Variants in UBR1 observed in about 807,000 individuals in gnomAD.
The protein encoded by UBR1 is ubiquitin protein ligase E3 component n-recognin 1.
Under a neutral mutation model 242.1 loss-of-function variants are expected in UBR1, and 102 were observed. The observed-to-expected ratio is 0.42, with a 90% CI of 0.36 to 0.50. The LOEUF is 0.50. Among genes scored for constraint, UBR1 ranks in the 20% least tolerant of loss-of-function variants. UBR1 has a pLI of 0.01. For missense variants in UBR1, 1,772 were observed against 2,101.8 expected (o/e 0.84, Z 3.07); for synonymous variants, 675 against 684.8 (o/e 0.99, Z 0.22).
At chr15:43,021,815 T>C (rs1294350561) in intron 26 of UBR1, among the ~76,000 whole-genome samples, 1 of 152,244 alleles carries the variant, frequency 6.6e-6, no homozygotes, top group Admixed American at 6.5e-5. Flanking sequence ...GTTATTTACA[T>C]TGATAACCAA....
At chr15:42,993,598 C>A in intron 33 of UBR1, among the ~76,000 whole-genome samples, 1 of 152,030 alleles carries the variant, frequency 6.6e-6, no homozygotes, top group South Asian at 2.1e-4. Flanking sequence ...GAACTCCTGG[C>A]CTCAAGAGAT....
intron 1 of UBR1, among the ~76,000 whole-genome samples, chr15:43,099,279 G>T (rs893888881): frequency 6.6e-6 from 1 of 151,872 alleles, no homozygotes; most frequent in Non-Finnish European, 1.5e-5. Flanking sequence ...AGAGGTTTCA[G>T]AGAGCCAAGA....
chr15:43,044,472 A>G (rs2412751), intron 14 of UBR1, among the ~76,000 whole-genome samples: 147,146 of 152,304 alleles, frequency 0.97, 71,271 homozygotes, highest in East Asian at 1. Context: ...GAAGGGAGAC[A>G]TTAAAGACCA....
In UBR1 at chr15:43,035,163, C is replaced by T. The variant is rs1420219041; in HGVS notation, c.2190+1015G>A. Among the ~76,000 whole-genome samples, 8 of 152,032 alleles carry T rather than the reference C, an allele frequency of 5.3e-5. No individual in the cohort carries two copies. The East Asian group carries it at 5.8e-4, about 11-fold the overall frequency. On this transcript the variant is annotated intron_variant, in intron 19 of 46. Transcript: ENST00000290650. ...AAACTTTTCACAATATGTTGTTAAG[C>T]ATAGGAAGCAGATTACAAAACAGCA...
intron 35 of UBR1, among the ~76,000 whole-genome samples, chr15:42,988,255 T>TA (rs1211056791): frequency 2.0e-5 from 3 of 149,208 alleles, no homozygotes; most frequent in African/African-American, 7.3e-5. Context: ...TTAATATAGA[T>TA]ACTAAAGGAA....
Position 43,059,111 on chromosome 15 carries a change from A to G in UBR1, c.1067T>C (p.Met356Thr), listed in dbSNP as rs2033651977. 3 of 1,613,998 alleles carry G rather than the reference A, an allele frequency of 1.9e-6. No homozygotes were observed. Among genetic ancestry groups the G allele is most frequent in the Non-Finnish European group, 1.7e-6 (2 of 1,179,976 alleles). The change falls in exon 9 of 47, where the codon ATG (methionine) becomes ACG (threonine). Residue 356 changes from methionine to threonine, a missense_variant. Transcript: ENST00000290650. ...TTTATAAAGCTTTGCATCCCAAAGC[A>G]TTAACCTGCTTATGAGACAGGGATT... is the stretch of plus-strand genomic sequence containing the variant. ...SENPCLISRL[M>T]LWDAKLYKGA... is the part of the protein sequence containing the mutation.
At position 43,015,624 on chromosome 15, in the gene UBR1, C is replaced by T. The variant is rs2033010740; in HGVS notation, c.3209+64G>A. 3 of 1,556,244 alleles carry T rather than the reference C, an allele frequency of 1.9e-6. No homozygotes were observed. In the African/African-American group the frequency reaches 4.1e-5, roughly 21 times the overall value. The stretch of plus-strand genomic sequence containing the variant: ...GCCAAATCCCCCTCTCGGAGAAACA[C>T]CCAAGAATGATCAATTTAAAAAAAA... On this transcript the variant is annotated intron_variant, in intron 29 of 46. Coordinates refer to ENST00000290650, the MANE Select transcript of UBR1 (RefSeq NM_174916.3).
chr15:43,076,749 A>C (rs2033903572), intron 3 of UBR1, among the ~76,000 whole-genome samples: 1 of 138,478 alleles, frequency 7.2e-6, no homozygotes, highest in Non-Finnish European at 1.6e-5. Context: ...TCCGCCTGGC[A>C]GCCACCGCGT....
Position 43,090,299 on chromosome 15 carries a change from A to C in UBR1, c.82-4059T>G, listed in dbSNP as rs187988794. ...TAGAGAAAAATCATGACGACTATTTAACAAAATATTAACAGAAATGGGTGG... is the reference window on the plus strand; with the variant it reads ...TAGAGAAAAATCATGACGACTATTTCACAAAATATTAACAGAAATGGGTGG... On this transcript the variant is annotated intron_variant, in intron 1 of 46. Coordinates refer to ENST00000290650, the MANE Select transcript of UBR1 (RefSeq NM_174916.3). 2.1e-3 allele frequency among the ~76,000 whole-genome samples: 319 copies of C among 152,306 alleles called. 1 individual carries two copies. Among genetic ancestry groups the C allele is most frequent in the African/African-American group, 7.5e-3 (310 of 41,590 alleles).
intron 15 of UBR1, 23 bp from the exon 16 acceptor site, chr15:43,038,255 G>A: frequency 6.2e-7 from 1 of 1,612,332 alleles, no homozygotes; most frequent in Non-Finnish European, 8.5e-7. Context: ...AAACGAGAGA[G>A]AAAATGAGAA....
chr15:42,946,049 C>T (rs2031727905), intron 46 of UBR1, among the ~76,000 whole-genome samples: 1 of 152,184 alleles, frequency 6.6e-6, no homozygotes, highest in Non-Finnish European at 1.5e-5. Flanking sequence ...CTGGCTGTTG[C>T]CAGTAACGGA....
chr15:42,992,552 T>C (rs1336670170), intron 33 of UBR1, among the ~76,000 whole-genome samples: 2 of 152,178 alleles, frequency 1.3e-5, no homozygotes, highest in Non-Finnish European at 2.9e-5. Context: ...CCTCGGGGGG[T>C]TAGCCTGGGA....
intron 31 of UBR1, 99 bp downstream of exon 31, chr15:43,003,738 G>T: frequency 9.4e-7 from 1 of 1,062,642 alleles, no homozygotes; most frequent in Non-Finnish European, 1.5e-6. Context: ...CAAATAAGAA[G>T]AAAGGAAAGA....
In UBR1 at chr15:42,998,249, G is replaced by A; in HGVS notation, c.3676C>T (p.Leu1226Phe). Residue 1226 changes from leucine (L) to phenylalanine (F), a missense_variant, in exon 33 of 47, where the codon CTT becomes TTT. Physicochemically the swap from Leu to Phe is conservative, Grantham distance 22. This residue lies in a region of UBR1 where 965 missense variants were observed against 1,079.7 expected (regional missense o/e 0.89). Coordinates refer to ENST00000290650, the MANE Select transcript of UBR1 (RefSeq NM_174916.3). Reference protein sequence around the residue: ...QKINSENADALAQLLTLARWI... With the variant: ...QKINSENADAFAQLLTLARWI... Reference sequence around the variant, plus strand: ...CGTGCCAGGGTCAAAAGTTGAGCAAGAGCATCTGCATTCTCACTGAAAAAT... The same window carrying A: ...CGTGCCAGGGTCAAAAGTTGAGCAAAAGCATCTGCATTCTCACTGAAAAAT... 1.2e-6 allele frequency: 2 copies of A among 1,613,892 alleles called. No individual in the cohort carries two copies. The highest frequency in any genetic ancestry group is 2.2e-5 in the South Asian group (2 of 91,074).
intron 4 of UBR1, among the ~76,000 whole-genome samples, chr15:43,072,486 A>T (rs1042746505): frequency 3.3e-5 from 5 of 152,208 alleles, no homozygotes; most frequent in Non-Finnish European, 7.3e-5. Flanking sequence ...AGCTAGTTTT[A>T]CTTCTCCCTT....
At chr15:42,992,559 G>T (rs1243950304) in intron 33 of UBR1, among the ~76,000 whole-genome samples, 2 of 152,204 alleles carry the variant, frequency 1.3e-5, no homozygotes, top group Non-Finnish European at 2.9e-5. Flanking sequence ...GGGTTAGCCT[G>T]GGACTTGAGT....
At chr15:42,996,666 A>C (rs1261749731) in intron 33 of UBR1, among the ~76,000 whole-genome samples, 1 of 152,154 alleles carries the variant, frequency 6.6e-6, no homozygotes. Context: ...GAGAAATAAA[A>C]CCATCACCGC....
At chr15:43,028,342 A>AT (rs989972425) in intron 21 of UBR1, among the ~76,000 whole-genome samples, 9 of 152,060 alleles carry the variant, frequency 5.9e-5, no homozygotes, top group South Asian at 2.1e-4. Flanking sequence ...AGGGAACACT[A>AT]TTTTTTTACA....
intron 1 of UBR1, among the ~76,000 whole-genome samples, chr15:43,087,415 T>G (rs544811817): frequency 6.6e-6 from 1 of 151,728 alleles, no homozygotes; most frequent in Non-Finnish European, 1.5e-5. Flanking sequence ...AAAAAAAAAA[T>G]AAAATAAAAT....
Sources: gnomAD v4.1 joint callset for allele counts (sites outside exome capture counted in the v4.1 genomes callset) on GRCh38, gnomAD v4.1.1 for gene constraint, gnomAD v4.1.1 regional missense constraint, MANE v1.5 for transcripts, NCBI Gene and HGNC (gene_info 2026-07-23, HGNC 2026-07-21) for gene names.